SPOCK2: variants seen among roughly 807,000 people sequenced by gnomAD.
SPOCK2 encodes testican-2.
In SPOCK2, 39 loss-of-function variants were observed where a neutral mutation model predicts 60.1. The observed-to-expected ratio is 0.65, with a 90% CI of 0.50 to 0.85. The LOEUF (loss-of-function observed/expected upper bound fraction) is 0.85, where lower values mean the gene tolerates loss of function less well. SPOCK2 is among the 40% of genes least tolerant of loss of function. SPOCK2 has a pLI of 0.00. For missense variants in SPOCK2, 523 were observed against 567.4 expected, an observed-to-expected ratio of 0.92 and a Z score of 0.80; for synonymous variants, 217 against 231.5, an observed-to-expected ratio of 0.94 and a Z score of 0.57.
At position 72,088,531 on chromosome 10, in the gene SPOCK2, C is replaced by T; in HGVS notation, c.-203G>A. On this transcript the variant is annotated 5_prime_UTR_variant, in exon 1 of 11. Transcript: ENST00000373109. Reference sequence around the variant, plus strand: ...TTGTCTGAAAAAGCCCAGCACTGGACGCGGAGAGGGAGAGAGAATCAGAGA... The same window carrying T: ...TTGTCTGAAAAAGCCCAGCACTGGATGCGGAGAGGGAGAGAGAATCAGAGA... 2 of 567,334 alleles carry T rather than the reference C, an allele frequency of 3.5e-6. No individual in the cohort carries two copies. Among genetic ancestry groups the T allele is most frequent in the Non-Finnish European group, 6.0e-6 (2 of 332,926 alleles). The allele number at this position is 567,334 out of a possible 1,614,324, so 35.1% of individuals were successfully genotyped here.
At chr10:72,072,636 C>G in intron 2 of SPOCK2, 88 bp from the exon 3 acceptor site, 1 of 1,575,698 alleles carries the variant, frequency 6.3e-7, no homozygotes, top group East Asian at 2.2e-5. Flanking sequence ...GAGGCCTGGG[C>G]CAGCGATGTC....
chr10:72,065,663 C>T (rs891972403), intron 8 of SPOCK2, among the ~76,000 whole-genome samples: 3 of 152,214 alleles, frequency 2.0e-5, no homozygotes, highest in Admixed American at 1.3e-4. Flanking sequence ...GGACAGTTCC[C>T]GGCCTCCTGC....
intron 4 of SPOCK2, among the ~76,000 whole-genome samples, chr10:72,070,995 T>C (rs1840639749): frequency 6.6e-6 from 1 of 151,938 alleles, no homozygotes; most frequent in African/African-American, 2.4e-5. Flanking sequence ...CTCCACAGAG[T>C]GGCCCGTGAC....
At chr10:72,070,647 T>G (rs1292537505) in intron 4 of SPOCK2, among the ~76,000 whole-genome samples, 2 of 150,022 alleles carry the variant, frequency 1.3e-5, no homozygotes, top group Non-Finnish European at 3.0e-5. Context: ...CCCCAGCTTC[T>G]CTTCTTCTAG....
chr10:72,088,318 G>A lies in SPOCK2; in HGVS notation c.11C>T (p.Pro4Leu). The A allele has an allele frequency of 2.5e-6, 4 of 1,578,808 alleles. No individual in the cohort carries two copies. The highest frequency in any genetic ancestry group is 3.4e-6 in the Non-Finnish European group (4 of 1,165,894). ...CGGCAGCACCAGCCGCCCGCAGCCC[G>A]GGGCGCGCATCGTGGTCTGGGTTCG... MRA[P>L]GCGRLVLPLL... Residue 4 changes from proline (P) to leucine (L), a missense_variant, in exon 1 of 11, where the codon CCG becomes CTG. By Grantham distance (98) the Pro-to-Leu change is moderately conservative. Transcript: ENST00000373109.
rs1163699902 is a variant in SPOCK2, at chr10:72,060,815, C to G, written c.*1945G>C. 2 of 152,270 alleles carry G rather than the reference C, an allele frequency of 1.3e-5. No homozygotes were observed. The highest frequency in any genetic ancestry group is 6.5e-5 in the Admixed American group (1 of 15,268). The allele number at this position is 152,270 out of a possible 1,614,324, so 9.4% of individuals were successfully genotyped here. On this transcript the variant is annotated 3_prime_UTR_variant, in exon 11 of 11. Transcript: ENST00000373109. The stretch of plus-strand genomic sequence containing the variant: ...TTAAGTGGGGCTCTGCTATTTCCCC[C>G]AAGAAGGACTCGGAAGATGTTGATT...
chr10:72,086,535 C>G, intron 1 of SPOCK2: 5 of 1,136,388 alleles, frequency 4.4e-6, no homozygotes, highest in Non-Finnish European at 5.4e-6. Context: ...CCGGATGGGC[C>G]GGCCTGCTGC....
intron 1 of SPOCK2, chr10:72,086,533 G>A (rs1564552141): frequency 1.8e-6 from 2 of 1,136,774 alleles, no homozygotes; most frequent in African/African-American, 1.7e-5. Context: ...TTCCGGATGG[G>A]CCGGCCTGCT....
chr10:72,073,319 A>T (rs1303857148), intron 1 of SPOCK2, among the ~76,000 whole-genome samples: 2 of 152,172 alleles, frequency 1.3e-5, no homozygotes, highest in Non-Finnish European at 2.9e-5. Flanking sequence ...GTCTCCTGCC[A>T]AGGCCCCTTC....
Position 72,067,251 on chromosome 10 carries a change from G to C in SPOCK2, c.710-131C>G, listed in dbSNP as rs555998958. ...TGGGCAGCTTGGAATCTAACCATGG[G>C]ATTGAGAAACTCGAGAACGGCGAAA... On this transcript the variant is annotated intron_variant, in intron 7 of 10. Coordinates refer to ENST00000373109, the MANE Select transcript of SPOCK2 (RefSeq NM_001244950.2). 284 of 959,042 alleles carry C rather than the reference G, an allele frequency of 3.0e-4. 5 individuals are homozygous for C. The South Asian group carries it at 4.6e-3, about 15-fold the overall frequency. 59.4% of individuals were successfully genotyped at this position (959,042 alleles called of 1,614,324 possible). A position where few individuals can be genotyped will look rare whatever the true frequency, so the allele number is the denominator to read the frequency against.
intron 1 of SPOCK2, among the ~76,000 whole-genome samples, chr10:72,084,191 C>A (rs1461722143): frequency 6.6e-6 from 1 of 152,172 alleles, no homozygotes; most frequent in African/African-American, 2.4e-5. Flanking sequence ...TGTGGGCCAG[C>A]CCTAGAAATG....
At position 72,072,229 on chromosome 10, in the gene SPOCK2, T is replaced by A; in HGVS notation, c.274A>T (p.Lys92Ter). Reference sequence around the variant, plus strand: ...ACCTTGTGGCGGCTGCACTTCACCTTCTGGCAGGGGTCCTTGGTGGTATCC... The same window carrying A: ...ACCTTGTGGCGGCTGCACTTCACCTACTGGCAGGGGTCCTTGGTGGTATCC... ...ALDTTKDPCQ[K>*]VKCSRHKVCI... The change falls in exon 4 of 11, where the codon AAG (lysine) becomes TAG (stop). Residue 92 changes from lysine to a stop codon, truncating the protein, a stop_gained. Transcript: ENST00000373109. LOFTEE classifies it high-confidence loss of function. 6.5e-7 allele frequency: 1 copy of A among 1,547,278 alleles called. No homozygotes were observed. Among genetic ancestry groups the A allele is most frequent in the Non-Finnish European group, 8.7e-7 (1 of 1,145,614 alleles).
intron 3 of SPOCK2, 62 bp from the exon 4 acceptor site, chr10:72,072,320 C>T (rs1840658138): frequency 2.7e-6 from 4 of 1,460,370 alleles, no homozygotes; most frequent in Middle Eastern, 4.5e-4. Flanking sequence ...TCCAGCCCCA[C>T]TTCTGAGCTG....
At chr10:72,073,019 C>T in intron 1 of SPOCK2, 109 bp from the exon 2 acceptor site, 2 of 1,488,702 alleles carry the variant, frequency 1.3e-6, no homozygotes, top group Middle Eastern at 1.7e-4. Context: ...GGTCCCCTGC[C>T]TCATCATGTG....
rs143463820 is a variant in SPOCK2 at position 72,072,285 on chromosome 10, G to C, written c.245-27C>G. 4.0e-6 allele frequency: 6 copies of C among 1,494,416 alleles called. No homozygotes were observed. In the African/African-American group the frequency reaches 7.0e-5, roughly 18 times the overall value. 92.6% of individuals were successfully genotyped at this position (1,494,416 alleles called of 1,614,324 possible). A position where few individuals can be genotyped will look rare whatever the true frequency, so the allele number is the denominator to read the frequency against. Reference sequence around the variant, plus strand: ...TGCAGGGGCACAGAGTCAGGACACAGGTCACCTGGGAGAACCCAGGAACCT... The same window carrying C: ...TGCAGGGGCACAGAGTCAGGACACACGTCACCTGGGAGAACCCAGGAACCT... On this transcript the variant is annotated intron_variant, in intron 3 of 10. Transcript: ENST00000373109.
At chr10:72,072,381 G>C (rs1021689570) in intron 3 of SPOCK2, 122 bp downstream of exon 3, 6 of 1,509,392 alleles carry the variant, frequency 4.0e-6, no homozygotes. Flanking sequence ...CTGAGCTCAG[G>C]AGTCCCATCC....
In SPOCK2 at chr10:72,062,735, C is replaced by A. The variant is rs201654674; in HGVS notation, c.*25G>T. 256 of 1,589,358 alleles carry A rather than the reference C, an allele frequency of 1.6e-4. 2 individuals carry two copies. The East Asian group carries it at 2.6e-3, about 16-fold the overall frequency. On this transcript the variant is annotated 3_prime_UTR_variant, in exon 11 of 11. Coordinates refer to ENST00000373109, the MANE Select transcript of SPOCK2 (RefSeq NM_001244950.2). The surrounding 1 kb of genome is among the most constrained non-coding windows in gnomAD (Gnocchi z 4.3). ...CTCAGAGCTCTGCTGTTGAGTCCCCCCCGGCAGCCGGCTCCTGAGGGCGTC... is the reference window on the plus strand; with the variant it reads ...CTCAGAGCTCTGCTGTTGAGTCCCCACCGGCAGCCGGCTCCTGAGGGCGTC...
At chr10:72,081,675 A>AGG (rs1243250265) in intron 1 of SPOCK2, among the ~76,000 whole-genome samples, 2 of 152,254 alleles carry the variant, frequency 1.3e-5, no homozygotes, top group Non-Finnish European at 2.9e-5. Flanking sequence ...ACGCGGGGAC[A>AGG]GTCGTCCTTC....
intron 5 of SPOCK2, chr10:72,070,046 C>G (rs1840623780): frequency 2.6e-6 from 1 of 385,840 alleles, no homozygotes; most frequent in Non-Finnish European, 4.8e-6. Flanking sequence ...AGTTACCTGA[C>G]CATAGTGTCT....
Sources: allele counts gnomAD v4.1 joint callset (sites outside exome capture counted in the v4.1 genomes callset), GRCh38; gene constraint gnomAD v4.1.1; non-coding constraint Gnocchi (gnomAD v3.1); transcripts MANE v1.5; gene names NCBI Gene and HGNC (gene_info 2026-07-23, HGNC 2026-07-21).